BBS9: variants seen among roughly 807,000 people sequenced by gnomAD.
BBS9 encodes the protein protein PTHB1.
BBS9 carries 89 observed loss-of-function variants against 117.7 expected under a neutral mutation model. The ratio of observed to expected loss-of-function variants is 0.76; its 90% CI spans 0.64 to 0.90. The LOEUF is 0.90. Ranked by LOEUF, BBS9 falls within the 40% of genes least tolerant of loss-of-function variation. The pLI, the probability that BBS9 is intolerant of heterozygous loss-of-function variation, is 0.00. For missense variants in BBS9, 982 were observed against 1,042.2 expected, an observed-to-expected ratio of 0.94 and a Z score of 0.80; for synonymous variants, 379 against 370.9, an observed-to-expected ratio of 1.02 and a Z score of -0.25.
At chr7:33,348,745 A>T (rs1245624256) in intron 12 of BBS9, among the ~76,000 whole-genome samples, 2 of 152,142 alleles carry the variant, frequency 1.3e-5, no homozygotes, top group African/African-American at 2.4e-5. Context: ...CCTTTCGATT[A>T]TAGCCATTTT....
intron 3 of BBS9, 22 bp downstream of exon 3, chr7:33,152,873 G>T: frequency 6.2e-7 from 1 of 1,612,496 alleles, no homozygotes; most frequent in Non-Finnish European, 8.5e-7. Flanking sequence ...CACTAATTCT[G>T]GTATTTTACT....
At chr7:33,347,691 G>C (rs1371617608) in intron 12 of BBS9, among the ~76,000 whole-genome samples, 3 of 151,644 alleles carry the variant, frequency 2.0e-5, no homozygotes, top group Non-Finnish European at 4.4e-5. Flanking sequence ...CTAATTATGT[G>C]TTCATAATGT....
At chr7:33,242,017 G>A (rs535426126) in intron 5 of BBS9, among the ~76,000 whole-genome samples, 163 of 152,110 alleles carry the variant, frequency 1.1e-3, no homozygotes, top group African/African-American at 3.8e-3. Flanking sequence ...ATTATCAATG[G>A]GAATGATTGG....
chr7:33,162,391 A>T (rs998380458), intron 4 of BBS9, among the ~76,000 whole-genome samples: 62 of 151,536 alleles, frequency 4.1e-4, no homozygotes, highest in African/African-American at 1.5e-3. Flanking sequence ...TGCCATTGGT[A>T]ATGGCATTGA....
rs10252935 is a variant in BBS9 at position 33,423,205 on chromosome 7, T to A, written c.2115+35061T>A. ...AACAGGCCTGGCTACGTGATAAGAT[T>A]GACCACAAAAGCACAAGTGCGGACC... On this transcript the variant is annotated intron_variant, in intron 19 of 22. Coordinates refer to ENST00000242067, the MANE Select transcript of BBS9 (RefSeq NM_198428.3). 4.1e-3 allele frequency among the ~76,000 whole-genome samples: 626 copies of A among 152,204 alleles called. 5 individuals carry two copies. Among genetic ancestry groups the A allele is most frequent in the African/African-American group, 0.015 (603 of 41,530 alleles).
intron 19 of BBS9, among the ~76,000 whole-genome samples, chr7:33,500,913 C>A (rs1845358313): frequency 6.6e-6 from 1 of 152,192 alleles, no homozygotes; most frequent in African/African-American, 2.4e-5. Flanking sequence ...ACTGATATGT[C>A]AGTTGGACAG....
chr7:33,181,238 G>A (rs746231599), intron 5 of BBS9, among the ~76,000 whole-genome samples: 2 of 152,116 alleles, frequency 1.3e-5, no homozygotes, highest in African/African-American at 2.4e-5. Context: ...TTCTGCAGGT[G>A]GAACTAAAGG....
chr7:33,420,724 T>C (rs13236885), intron 19 of BBS9, among the ~76,000 whole-genome samples: 23,543 of 152,160 alleles, frequency 0.15, 2,287 homozygotes, highest in South Asian at 0.21. Flanking sequence ...TTTATGCAGA[T>C]TATAAAGTCA....
chr7:33,328,957 C>T (rs544637430), intron 9 of BBS9, among the ~76,000 whole-genome samples: 20 of 150,636 alleles, frequency 1.3e-4, no homozygotes, highest in African/African-American at 4.9e-4. Flanking sequence ...GAAAATAGAA[C>T]TTTTTTTTTC....
chr7:33,152,502 C>T (rs1310308034), intron 2 of BBS9, among the ~76,000 whole-genome samples, 199 bp from the exon 3 acceptor site: 1 of 152,072 alleles, frequency 6.6e-6, no homozygotes, highest in African/African-American at 2.4e-5. Flanking sequence ...GGATGTAAAG[C>T]TATTTATGAA....
chr7:33,190,183 A>G (rs1176588631), intron 5 of BBS9, among the ~76,000 whole-genome samples: 2 of 146,172 alleles, frequency 1.4e-5, no homozygotes, highest in East Asian at 2.0e-4. Context: ...GCAGTGGCGC[A>G]ATCTCGGCTC....
At chr7:33,452,325 TC>T (rs1461104582) in intron 19 of BBS9, among the ~76,000 whole-genome samples, 1 of 152,206 alleles carries the variant, frequency 6.6e-6, no homozygotes, top group East Asian at 1.9e-4. Context: ...TGAGTTCATT[TC>T]CAAGTTTGTC....
Position 33,368,616 on chromosome 7 carries a change from A to ACC in BBS9, c.1789+756_1789+757dup, listed in dbSNP as rs1554445069. On this transcript the variant is annotated intron_variant, in intron 17 of 22. Transcript: ENST00000242067. ...CACACACACACACACACACACACAC[A>ACC]CCCATACCCCCTTGAAATAGTCTGG... 1.6e-3 allele frequency among the ~76,000 whole-genome samples: 231 copies of ACC among 145,696 alleles called. 3 individuals carry two copies. In the East Asian group the frequency reaches 0.017, roughly 11 times the overall value.
At chr7:33,625,332 C>G (rs2700689) in intron 21 of BBS9, among the ~76,000 whole-genome samples, 1 of 152,028 alleles carries the variant, frequency 6.6e-6, no homozygotes, top group Non-Finnish European at 1.5e-5. Flanking sequence ...TGTTCCAGGC[C>G]CTGAATTCTA....
At chr7:33,245,539 A>G (rs1795198917) in intron 5 of BBS9, among the ~76,000 whole-genome samples, 1 of 152,158 alleles carries the variant, frequency 6.6e-6, no homozygotes, top group Non-Finnish European at 1.5e-5. Context: ...TTCAGTAAAT[A>G]CTTTTGGTTC....
intron 21 of BBS9, among the ~76,000 whole-genome samples, chr7:33,559,758 G>T (rs575437197): frequency 6.6e-6 from 1 of 151,952 alleles, no homozygotes; most frequent in Non-Finnish European, 1.5e-5. Context: ...TATCTGCCAC[G>T]ACTCGTGAGT....
intron 7 of BBS9, among the ~76,000 whole-genome samples, chr7:33,267,651 CTT>C (rs1238815784): frequency 1.3e-5 from 2 of 151,954 alleles, no homozygotes; most frequent in African/African-American, 4.8e-5. Context: ...ACCTTCCAGT[CTT>C]TGTGCTATTG....
At chr7:33,137,267 G>C (rs1790646392) in intron 1 of BBS9, among the ~76,000 whole-genome samples, 1 of 152,210 alleles carries the variant, frequency 6.6e-6, no homozygotes, top group South Asian at 2.1e-4. Context: ...TGGGAGTTGG[G>C]AGAGGCCAGG....
intron 21 of BBS9, among the ~76,000 whole-genome samples, chr7:33,631,768 T>C (rs1014546236): frequency 6.6e-6 from 1 of 152,156 alleles, no homozygotes; most frequent in African/African-American, 2.4e-5. Context: ...GTGTGTGGTT[T>C]CTACAGAGGA....
Sources: gnomAD v4.1 joint callset for allele counts (sites outside exome capture counted in the v4.1 genomes callset) on GRCh38, gnomAD v4.1.1 for gene constraint, MANE v1.5 for transcripts, NCBI Gene and HGNC (gene_info 2026-07-23, HGNC 2026-07-21) for gene names.